SLC4A4: variants seen among roughly 807,000 people sequenced by gnomAD.
SLC4A4 encodes the protein solute carrier family 4 member 4, also known as electrogenic sodium bicarbonate cotransporter 1.
SLC4A4 carries 27 observed loss-of-function variants against 111.5 expected under a neutral mutation model. The observed-to-expected ratio is 0.24, with a 90% CI of 0.18 to 0.33. The LOEUF is 0.33. Ranked by LOEUF, SLC4A4 falls within the 10% of genes least tolerant of loss-of-function variation. The probability of loss-of-function intolerance (pLI) is 1.00; values close to 1 mark genes in which losing one functional copy is unlikely to be tolerated. For synonymous variants in SLC4A4, 443 were observed against 463.4 expected (o/e 0.96, Z 0.57); for missense variants, 909 against 1,315.5 (o/e 0.69, Z 4.78).
chr4:71,384,761 C>G (rs182270334), intron 6 of SLC4A4, among the ~76,000 whole-genome samples: 86 of 151,496 alleles, frequency 5.7e-4, no homozygotes, highest in African/African-American at 1.6e-3. Flanking sequence ...AAACCTATGT[C>G]TCTATTTTTT....
At chr4:71,516,298 C>T (rs776384711) in intron 16 of SLC4A4, among the ~76,000 whole-genome samples, 6 of 151,732 alleles carry the variant, frequency 4.0e-5, no homozygotes, top group South Asian at 2.1e-4. Flanking sequence ...GAGGTTTCAC[C>T]GTGTTAGCCA....
intron 8 of SLC4A4, among the ~76,000 whole-genome samples, chr4:71,443,110 C>CTATATA (rs1560512879): frequency 4.0e-5 from 4 of 101,044 alleles, no homozygotes; most frequent in Non-Finnish European, 5.6e-5. Flanking sequence ...CTCTCTCTCT[C>CTATATA]TCTCTCTATA....
At chr4:71,457,077 T>G (rs1424639971) in intron 12 of SLC4A4, among the ~76,000 whole-genome samples, 5 of 152,132 alleles carry the variant, frequency 3.3e-5, no homozygotes. Context: ...GGTAGAAACG[T>G]GTTGTGAAAA....
chr4:71,194,726 G>A lies in SLC4A4; in HGVS notation c.-2+7325G>A, dbSNP rs1745908010. On this transcript the variant is annotated intron_variant, in intron 1 of 25. Coordinates refer to ENST00000264485, the MANE Select transcript of SLC4A4 (RefSeq NM_001098484.3). ...ATTTTTAGCTTCTATAATTAGAATGGCCACAAATTTCCAGATTTAAAATAT... is the reference window on the plus strand; with the variant it reads ...ATTTTTAGCTTCTATAATTAGAATGACCACAAATTTCCAGATTTAAAATAT... Among the ~76,000 whole-genome samples the A allele has an allele frequency of 2.6e-5, 4 of 152,094 alleles. No homozygotes were observed. In the South Asian group the frequency reaches 8.3e-4, roughly 32 times the overall value.
At chr4:71,305,585 G>C (rs190617238) in intron 3 of SLC4A4, among the ~76,000 whole-genome samples, 1 of 152,246 alleles carries the variant, frequency 6.6e-6, no homozygotes, top group Non-Finnish European at 1.5e-5. Context: ...GAACTTTGGA[G>C]TAGAGCTGGG....
At chr4:71,312,590 C>A (rs1726292733) in intron 3 of SLC4A4, among the ~76,000 whole-genome samples, 1 of 152,176 alleles carries the variant, frequency 6.6e-6, no homozygotes, top group Non-Finnish European at 1.5e-5. Flanking sequence ...AAGTTGGCTT[C>A]ATCCCTGGGA....
At chr4:71,156,154 T>C (rs997816670) in intron 2 of SLC4A4, among the ~76,000 whole-genome samples, 3 of 152,168 alleles carry the variant, frequency 2.0e-5, no homozygotes, top group Admixed American at 2.0e-4. Flanking sequence ...CTCTGTGGCA[T>C]AGAATTCCAC....
At chr4:71,080,417 C>A (rs1741960758) in intron 1 of SLC4A4, among the ~76,000 whole-genome samples, 1 of 152,020 alleles carries the variant, frequency 6.6e-6, no homozygotes, top group Non-Finnish European at 1.5e-5. Flanking sequence ...GGGCAAAGTG[C>A]TGGGTAAGTA....
At chr4:71,430,491 C>T (rs1319363401) in intron 7 of SLC4A4, among the ~76,000 whole-genome samples, 1 of 152,132 alleles carries the variant, frequency 6.6e-6, no homozygotes, top group Non-Finnish European at 1.5e-5. Flanking sequence ...TTTCATTTAA[C>T]CTGCTGTTCC....
Position 71,323,007 on chromosome 4 carries a change from C to T in SLC4A4, c.254-16363C>T, listed in dbSNP as rs373283534. Among the ~76,000 whole-genome samples, 8 of 151,910 alleles carry T rather than the reference C, an allele frequency of 5.3e-5. No homozygotes were observed. In the East Asian group the frequency reaches 1.5e-3, roughly 29 times the overall value. Reference sequence around the variant, plus strand: ...AGAACTGGCTATTCTAGTCCCTAAACAGCAGTAAAGGCAAGTGCTGTAAGA... The same window carrying T: ...AGAACTGGCTATTCTAGTCCCTAAATAGCAGTAAAGGCAAGTGCTGTAAGA... On this transcript the variant is annotated intron_variant, in intron 3 of 25. Transcript: ENST00000264485.
chr4:71,236,198 C>G (rs891756434), intron 1 of SLC4A4: 4 of 1,063,142 alleles, frequency 3.8e-6, no homozygotes, highest in African/African-American at 3.4e-5. Context: ...ACGATCATCA[C>G]GAGCACTCCA....
chr4:71,193,870 A>G (rs547394661), intron 1 of SLC4A4, among the ~76,000 whole-genome samples: 8 of 152,340 alleles, frequency 5.3e-5, no homozygotes, highest in South Asian at 4.1e-4. Flanking sequence ...TCATTCACCA[A>G]TGCTTCCACC....
chr4:71,131,563 G>A (rs1743708603), intron 2 of SLC4A4, among the ~76,000 whole-genome samples: 1 of 152,160 alleles, frequency 6.6e-6, no homozygotes, highest in Non-Finnish European at 1.5e-5. Flanking sequence ...ATTACTATGT[G>A]GAAGTATATG....
At chr4:71,079,235 C>T (rs1408445560) in intron 1 of SLC4A4, among the ~76,000 whole-genome samples, 1 of 152,066 alleles carries the variant, frequency 6.6e-6, no homozygotes, top group South Asian at 2.1e-4. Flanking sequence ...CATGAGACAC[C>T]TCCTAGGAAG....
chr4:71,414,337 G>A (rs186863778), intron 7 of SLC4A4, among the ~76,000 whole-genome samples: 5 of 152,344 alleles, frequency 3.3e-5, no homozygotes, highest in Admixed American at 3.3e-4. Flanking sequence ...GCTTTGAATG[G>A]TGCCAAGGGC....
At chr4:71,108,898 C>G (rs973919558) in intron 2 of SLC4A4, among the ~76,000 whole-genome samples, 1 of 152,046 alleles carries the variant, frequency 6.6e-6, no homozygotes, top group Non-Finnish European at 1.5e-5. Flanking sequence ...TTGAATTTCT[C>G]CATGTCTTCC....
intron 2 of SLC4A4, among the ~76,000 whole-genome samples, chr4:71,100,355 A>AAG (rs146123688): frequency 6.6e-6 from 1 of 151,938 alleles, no homozygotes; most frequent in African/African-American, 2.4e-5. Context: ...CAAAAAAAAA[A>AAG]CACATGATTA....
chr4:71,115,404 G>C (rs557841116), intron 2 of SLC4A4, among the ~76,000 whole-genome samples: 1 of 151,588 alleles, frequency 6.6e-6, no homozygotes, highest in Non-Finnish European at 1.5e-5. Context: ...AAACAAAAAA[G>C]AGCAAACAAA....
At chr4:71,225,644 C>T (rs1719000122) in intron 1 of SLC4A4, among the ~76,000 whole-genome samples, 3 of 152,126 alleles carry the variant, frequency 2.0e-5, no homozygotes, top group African/African-American at 7.2e-5. Context: ...TTGCCTAAAC[C>T]CGTTTCAGAA....
Sources: allele counts gnomAD v4.1 joint callset (sites outside exome capture counted in the v4.1 genomes callset), GRCh38; gene constraint gnomAD v4.1.1; transcripts MANE v1.5; gene names NCBI Gene and HGNC (gene_info 2026-07-23, HGNC 2026-07-21).